The following JAZF1 variants were observed in gnomAD, a reference collection of about 807,000 sequenced individuals.
JAZF1 encodes juxtaposed with another zinc finger protein 1.
A neutral mutation model predicts 26.4 loss-of-function variants in JAZF1; 8 were observed. That is an observed-to-expected ratio of 0.30 (90% confidence interval 0.18 to 0.55). JAZF1 has a LOEUF of 0.55. JAZF1 is among the 20% of genes least tolerant of loss of function. JAZF1 has a pLI of 0.94. For missense variants in JAZF1, 199 were observed against 322.0 expected (o/e 0.62, Z 2.92); for synonymous variants, 126 against 122.3 (o/e 1.03, Z -0.20).
At chr7:27,870,075 ATTTTTTTT>A (rs371770357) in intron 3 of JAZF1, among the ~76,000 whole-genome samples, 1,381 of 120,672 alleles carry the variant, frequency 0.011, 34 homozygotes, top group African/African-American at 0.042. Context: ...CACCCGGTTA[ATTTTTTTT>A]TTTTTTTTTT....
intron 1 of JAZF1, among the ~76,000 whole-genome samples, chr7:28,143,699 G>C (rs1455772382): frequency 6.6e-6 from 1 of 152,158 alleles, no homozygotes; most frequent in South Asian, 2.1e-4. Context: ...TTAAGTAGAA[G>C]AGAAAATGAT....
chr7:28,135,413 A>T (rs999918871), intron 1 of JAZF1, among the ~76,000 whole-genome samples: 4 of 152,228 alleles, frequency 2.6e-5, no homozygotes, highest in Admixed American at 2.0e-4. Context: ...TAGTTTTACA[A>T]TTGTTCTTAT....
intron 1 of JAZF1, among the ~76,000 whole-genome samples, chr7:28,157,656 C>T (rs1023030530): frequency 2.0e-5 from 3 of 152,134 alleles, no homozygotes; most frequent in Non-Finnish European, 2.9e-5. Context: ...TAGACAGCTT[C>T]GTGGAGGAGA....
intron 1 of JAZF1, among the ~76,000 whole-genome samples, chr7:28,042,709 T>G (rs1310079697): frequency 6.6e-6 from 1 of 152,216 alleles, no homozygotes; most frequent in African/African-American, 2.4e-5. Context: ...GTATTTTTAC[T>G]GTACCTTTTC....
At chr7:28,145,080 C>T (rs1236386055) in intron 1 of JAZF1, among the ~76,000 whole-genome samples, 6 of 152,156 alleles carry the variant, frequency 3.9e-5, no homozygotes, top group Non-Finnish European at 7.3e-5. Context: ...AGTGAGTTTG[C>T]ATCACTGAAC....
chr7:27,832,837 G>C lies in JAZF1; in HGVS notation c.695C>G (p.Pro232Arg). The C allele has an allele frequency of 6.2e-7, 1 of 1,606,646 alleles. No individual in the cohort carries two copies. Among genetic ancestry groups the C allele is most frequent in the Non-Finnish European group, 8.5e-7 (1 of 1,175,970 alleles). Residue 232 changes from proline (P) to arginine (R), a missense_variant, in exon 5 of 5, where the codon CCG becomes CGG. Around this residue, in one of 2 missense-constraint regions of JAZF1, gnomAD observed 62 missense variants for 137.2 expected, o/e 0.45. Transcript: ENST00000283928. ...CTTCCTGATAATCTCAGCCGACACC[G>C]GGGGATGGAAATTGATTGTGTGGTG... is the stretch of plus-strand genomic sequence containing the variant. Reference protein sequence around the residue: ...LRHHTINFHPPVSAEIIRKMQ... With the variant: ...LRHHTINFHPRVSAEIIRKMQ...
At chr7:27,901,036 T>C (rs1784154277) in intron 2 of JAZF1, among the ~76,000 whole-genome samples, 1 of 151,678 alleles carries the variant, frequency 6.6e-6, no homozygotes. Flanking sequence ...TATTTTAGGG[T>C]TTTTCCTTCT....
At chr7:27,978,289 A>T (rs1236196847) in intron 2 of JAZF1, among the ~76,000 whole-genome samples, 1 of 152,180 alleles carries the variant, frequency 6.6e-6, no homozygotes, top group Non-Finnish European at 1.5e-5. Context: ...CTGCTCCTAT[A>T]CTCTTAACCA....
intron 1 of JAZF1, among the ~76,000 whole-genome samples, chr7:28,015,830 C>A (rs10282320): frequency 0.072 from 10,968 of 152,134 alleles, 1,326 homozygotes; most frequent in African/African-American, 0.25. Context: ...ATGAAGGGGA[C>A]CTGCCCATGC....
At chr7:27,956,750 C>T (rs906451937) in intron 2 of JAZF1, among the ~76,000 whole-genome samples, 3 of 152,200 alleles carry the variant, frequency 2.0e-5, no homozygotes, top group South Asian at 4.1e-4. Flanking sequence ...CCAAACCTCA[C>T]CTCACAGTTC....
At chr7:27,837,765 C>A (rs1400594481) in intron 4 of JAZF1, among the ~76,000 whole-genome samples, 1 of 152,166 alleles carries the variant, frequency 6.6e-6, no homozygotes, top group Non-Finnish European at 1.5e-5. Flanking sequence ...CCTCTTTGCC[C>A]TAAGGACTCT....
At chr7:28,122,033 TAG>T (rs1423821964) in intron 1 of JAZF1, among the ~76,000 whole-genome samples, 1 of 152,218 alleles carries the variant, frequency 6.6e-6, no homozygotes, top group East Asian at 1.9e-4. Flanking sequence ...CTTTGAAGTA[TAG>T]AGACTTTCTA....
intron 2 of JAZF1, among the ~76,000 whole-genome samples, chr7:27,985,231 G>A (rs1464638270): frequency 6.6e-6 from 1 of 152,076 alleles, no homozygotes; most frequent in East Asian, 1.9e-4. Flanking sequence ...AGAAAATAGA[G>A]AAGAATCAAA....
intron 1 of JAZF1, among the ~76,000 whole-genome samples, chr7:28,143,359 C>T (rs548060911): frequency 1.3e-5 from 2 of 152,286 alleles, no homozygotes; most frequent in African/African-American, 4.8e-5. Flanking sequence ...TTCTATGGCC[C>T]TTTGTCTCTG....
At chr7:28,017,399 T>C (rs1782913945) in intron 1 of JAZF1, among the ~76,000 whole-genome samples, 1 of 152,128 alleles carries the variant, frequency 6.6e-6, no homozygotes, top group Admixed American at 6.5e-5. Flanking sequence ...ATGTTTTGTT[T>C]CCTCTTCAGC....
At chr7:27,851,764 T>C (rs1722380707) in intron 3 of JAZF1, among the ~76,000 whole-genome samples, 1 of 152,206 alleles carries the variant, frequency 6.6e-6, no homozygotes, top group African/African-American at 2.4e-5. Flanking sequence ...TTTAGCCTAT[T>C]ACACAGTTGG....
intron 1 of JAZF1, among the ~76,000 whole-genome samples, chr7:28,096,003 C>T (rs1468372332): frequency 6.6e-6 from 1 of 152,236 alleles, no homozygotes; most frequent in Non-Finnish European, 1.5e-5. Context: ...ATTTAACCTT[C>T]ATCATCCCCT....
intron 2 of JAZF1, among the ~76,000 whole-genome samples, chr7:27,975,053 T>C (rs1229941073): frequency 6.6e-6 from 1 of 151,664 alleles, no homozygotes; most frequent in Non-Finnish European, 1.5e-5. Flanking sequence ...CCTGGCTAAG[T>C]TTATGGTATT....
At chr7:28,022,820 G>A (rs1366126255) in intron 1 of JAZF1, among the ~76,000 whole-genome samples, 1 of 152,188 alleles carries the variant, frequency 6.6e-6, no homozygotes, top group African/African-American at 2.4e-5. Context: ...GCAACGGCAT[G>A]ATCTTGGCTC....
Sources: gnomAD v4.1 joint callset for allele counts (sites outside exome capture counted in the v4.1 genomes callset) on GRCh38, gnomAD v4.1.1 for gene constraint, gnomAD v4.1.1 regional missense constraint, MANE v1.5 for transcripts, NCBI Gene and HGNC (gene_info 2026-07-23, HGNC 2026-07-21) for gene names.